The following HEATR9 variants were observed in gnomAD, a reference collection of about 807,000 sequenced individuals.
HEATR9 encodes the protein HEAT repeat containing 9.
A neutral mutation model predicts 68.2 loss-of-function variants in HEATR9; 54 were observed. The observed-to-expected ratio is 0.79, with a 90% CI of 0.64 to 0.99. The LOEUF (loss-of-function observed/expected upper bound fraction) is 0.99, where lower values mean the gene tolerates loss of function less well. HEATR9 is among the 50% of genes least tolerant of loss of function. The pLI, the probability that HEATR9 is intolerant of heterozygous loss-of-function variation, is 0.00. For synonymous variants in HEATR9, 241 were observed against 253.5 expected (o/e 0.95, Z 0.47); for missense variants, 662 against 679.7 (o/e 0.97, Z 0.29).
At chr17:35,865,596 CT>C (rs1390765006) in intron 2 of HEATR9, among the ~76,000 whole-genome samples, 200 bp from the exon 3 acceptor site, 2 of 152,198 alleles carry the variant, frequency 1.3e-5, no homozygotes, top group Non-Finnish European at 1.5e-5. Context: ...AAGTCTCAGT[CT>C]TCTTATCTGT....
intron 13 of HEATR9, 138 bp downstream of exon 13, chr17:35,856,035 T>C: frequency 1.1e-6 from 1 of 949,186 alleles, no homozygotes; most frequent in Non-Finnish European, 1.6e-6. Context: ...AAGAAAAGGT[T>C]CGGTAGGGCT....
At chr17:35,864,149 C>T (rs778752382) in intron 6 of HEATR9, 97 bp downstream of exon 6, 3 of 1,009,314 alleles carry the variant, frequency 3.0e-6, no homozygotes, top group East Asian at 2.4e-5. Flanking sequence ...TCTGACCCGC[C>T]ATCCTAGCAC....
At chr17:35,865,179 G>A (rs776147137) in intron 3 of HEATR9, 36 bp downstream of exon 3, 1 of 1,595,800 alleles carries the variant, frequency 6.3e-7, no homozygotes, top group African/African-American at 1.3e-5. Context: ...AGAAGATGTG[G>A]AGGGTGAGAA....
chr17:35,856,100 T>A, intron 13 of HEATR9, 73 bp downstream of exon 13: 2 of 1,479,404 alleles, frequency 1.4e-6, no homozygotes. Flanking sequence ...TTCCCCTCAG[T>A]GACTCTGCTC....
chr17:35,865,484 A>C, intron 2 of HEATR9, 88 bp from the exon 3 acceptor site: 1 of 950,164 alleles, frequency 1.1e-6, no homozygotes, highest in Non-Finnish European at 1.6e-6. Context: ...AAGGGAGGGA[A>C]GGGCAGGGTG....
Position 35,864,430 on chromosome 17 carries a change from C to T in HEATR9, c.510+67G>A. ...CCACAACCACCATCACGTCAAGCAG[C>T]TTTTTACTTTCCAGCTTGGCCAACT... is the stretch of plus-strand genomic sequence containing the variant. On this transcript the variant is annotated intron_variant, in intron 5 of 14. Coordinates refer to ENST00000604834, the MANE Select transcript of HEATR9 (RefSeq NM_152781.4). 4 of 1,576,310 alleles carry T rather than the reference C, an allele frequency of 2.5e-6. No homozygotes were observed. The South Asian group carries it at 4.5e-5, about 18-fold the overall frequency.
At chr17:35,862,867 C>A in intron 8 of HEATR9, 128 bp downstream of exon 8, 1 of 1,372,424 alleles carries the variant, frequency 7.3e-7, no homozygotes, top group Non-Finnish European at 1.0e-6. Context: ...CGAGGGAACT[C>A]CTCAAGGACA....
In HEATR9 at chr17:35,865,392, G is replaced by A. The variant is rs1220634931; in HGVS notation, c.143C>T (p.Pro48Leu). The A allele has an allele frequency of 1.2e-6, 2 of 1,612,458 alleles. No individual in the cohort carries two copies. Among genetic ancestry groups the A allele is most frequent in the Admixed American group, 1.7e-5 (1 of 59,956 alleles). Reference sequence around the variant, plus strand: ...TGGACTTGGGGGAAACTCTTCCTTTGGCATCTGGGGGTTGCAAGTGGCAGA... The same window carrying A: ...TGGACTTGGGGGAAACTCTTCCTTTAGCATCTGGGGGTTGCAAGTGGCAGA... The part of the protein sequence containing the change: ...VHLPLSCYQM[P>L]KEEFPPSPEC... Residue 48 changes from proline to leucine, a missense_variant, in exon 3 of 15, where the codon CCA (proline) becomes CTA (leucine). Physicochemically the swap from Pro to Leu is moderately conservative, Grantham distance 98. Transcript: ENST00000604834.
intron 2 of HEATR9, 75 bp from the exon 3 acceptor site, chr17:35,865,471 G>T: frequency 9.0e-7 from 1 of 1,110,300 alleles, no homozygotes; most frequent in Non-Finnish European, 1.3e-6. Context: ...GGAGGAGGGG[G>T]TAAAGGGAGG....
intron 8 of HEATR9, among the ~76,000 whole-genome samples, chr17:35,860,726 T>C (rs2087957827): frequency 6.6e-6 from 1 of 151,694 alleles, no homozygotes; most frequent in African/African-American, 2.4e-5. Context: ...CCTGACCTCG[T>C]GATCCACTCG....
Position 35,858,883 on chromosome 17 carries a change from C to G in HEATR9, c.939+5G>C, listed in dbSNP as rs2087872972. 6.2e-7 allele frequency: 1 copy of G among 1,612,624 alleles called. No homozygotes were observed. Among genetic ancestry groups the G allele is most frequent in the Non-Finnish European group, 8.5e-7 (1 of 1,179,506 alleles). ...CCAGGGATCCCAGCCTCCTGCCCCTCACACCTTCATCCGCTGGGTCTTGAG... is the reference window on the plus strand; with the variant it reads ...CCAGGGATCCCAGCCTCCTGCCCCTGACACCTTCATCCGCTGGGTCTTGAG... On this transcript the variant is annotated splice_donor_5th_base_variant and intron_variant, in intron 9 of 14. Transcript: ENST00000604834.
chr17:35,856,648 C>T, intron 12 of HEATR9, 84 bp downstream of exon 12: 1 of 1,235,192 alleles, frequency 8.1e-7, no homozygotes, highest in Admixed American at 2.0e-5. Flanking sequence ...GACCCTCTGA[C>T]CCCTTCCCAC....
intron 11 of HEATR9, among the ~76,000 whole-genome samples, chr17:35,857,768 G>GA (rs928334363): frequency 5.3e-5 from 8 of 151,186 alleles, no homozygotes; most frequent in Admixed American, 6.6e-5. Context: ...CAAAAAAAAA[G>GA]AAAAAAAATA....
chr17:35,860,724 C>G (rs139353976), intron 8 of HEATR9, among the ~76,000 whole-genome samples: 3,194 of 151,708 alleles, frequency 0.021, 63 homozygotes, highest in East Asian at 0.11. Context: ...CTCCTGACCT[C>G]GTGATCCACT....
At chr17:35,861,908 G>C (rs947063139) in intron 8 of HEATR9, among the ~76,000 whole-genome samples, 1 of 151,644 alleles carries the variant, frequency 6.6e-6, no homozygotes, top group Non-Finnish European at 1.5e-5. Context: ...GCCCAGGCTG[G>C]AGTGCAATGG....
At chr17:35,858,380 C>T (rs2087852978) in intron 10 of HEATR9, 53 bp downstream of exon 10, 8 of 1,613,918 alleles carry the variant, frequency 5.0e-6, no homozygotes, top group East Asian at 2.2e-5. Flanking sequence ...TCTTCATCCC[C>T]TAACCCTATC....
At chr17:35,862,244 G>A (rs1191297429) in intron 8 of HEATR9, among the ~76,000 whole-genome samples, 4 of 152,040 alleles carry the variant, frequency 2.6e-5, no homozygotes, top group Non-Finnish European at 5.9e-5. Flanking sequence ...CTCCATAAGC[G>A]CAGAGATCTT....
At position 35,856,175 on chromosome 17, in the gene HEATR9, A is replaced by G. The variant is rs1385550020; in HGVS notation, c.1276T>C (p.Leu426=). 6.2e-7 allele frequency: 1 copy of G among 1,614,008 alleles called. No homozygotes were observed. The change falls in exon 13 of 15, where the codon TTG becomes CTG. Residue 426 remains leucine, a splice_region_variant and synonymous_variant. Transcript: ENST00000604834. Reference sequence around the variant, plus strand: ...CAGAGAAGCAGAGCCTGCCTTACCAAAGAGATGACTGCTTCCTGGCGTGCA... The same window carrying G: ...CAGAGAAGCAGAGCCTGCCTTACCAGAGAGATGACTGCTTCCTGGCGTGCA... ...ATARQEAVIS[L]GVLGIRSPQV...
chr17:35,856,225 C>CT lies in HEATR9; in HGVS notation c.1227-2dup. The CT allele has an allele frequency of 6.2e-7, 1 of 1,614,066 alleles. No individual in the cohort carries two copies. Among genetic ancestry groups the CT allele is most frequent in the Non-Finnish European group, 8.5e-7 (1 of 1,179,994 alleles). ...AGTGGCATCTGGGTTCATCAGTTGT[C>CT]TGTGTAGAAGGGAGTGAGTATGTTA... On this transcript the variant is annotated splice_acceptor_variant, in intron 12 of 14. Coordinates refer to ENST00000604834, the MANE Select transcript of HEATR9 (RefSeq NM_152781.4). LOFTEE classifies it high-confidence loss of function.
Sources: gnomAD v4.1 joint callset for allele counts (sites outside exome capture counted in the v4.1 genomes callset) on GRCh38, gnomAD v4.1.1 for gene constraint, MANE v1.5 for transcripts, NCBI Gene and HGNC (gene_info 2026-07-23, HGNC 2026-07-21) for gene names.